Variants in NEXMIF observed in about 807,000 individuals in gnomAD.
The protein encoded by NEXMIF is XLMR protein related to neurite extension.
Under a neutral mutation model 62.1 loss-of-function variants are expected in NEXMIF, and 8 were observed. The ratio of observed to expected loss-of-function variants is 0.13; its 90% CI spans 0.08 to 0.23. NEXMIF has a LOEUF of 0.23. NEXMIF is among the 10% of genes least tolerant of loss of function. The pLI, the probability that NEXMIF is intolerant of heterozygous loss-of-function variation, is 1.00. For missense variants in NEXMIF, 976 were observed against 1,113.3 expected (o/e 0.88, Z 1.75); for synonymous variants, 404 against 416.6 (o/e 0.97, Z 0.37).
intron 1 of NEXMIF, among the ~76,000 whole-genome samples, chrX:74,793,475 A>T (rs902561594): frequency 9.1e-6 from 1 of 110,085 alleles, no homozygotes; most frequent in Non-Finnish European, 1.9e-5. Context: ...CTTCTCGAGG[A>T]GTATCTCTGG....
At chrX:74,796,301 T>C (rs1203371721) in intron 1 of NEXMIF, among the ~76,000 whole-genome samples, 17 of 15,877 alleles carry the variant, frequency 1.1e-3, no homozygotes, top group African/African-American at 1.8e-3. Flanking sequence ...ATTATATATA[T>C]ATACACACAC....
intron 1 of NEXMIF, among the ~76,000 whole-genome samples, chrX:74,841,281 C>T (rs890147973): frequency 4.5e-5 from 5 of 111,319 alleles, no homozygotes; most frequent in Non-Finnish European, 7.5e-5. Context: ...CTCGGTCTGG[C>T]TGTTGTTGGT....
chrX:74,834,396 G>C (rs1297961693), intron 1 of NEXMIF, among the ~76,000 whole-genome samples: 5 of 111,107 alleles, frequency 4.5e-5, no homozygotes, highest in Non-Finnish European at 9.4e-5. Context: ...ATTATTACCA[G>C]TGAGTTTTGT....
intron 1 of NEXMIF, among the ~76,000 whole-genome samples, chrX:74,819,247 G>A (rs951032751): frequency 3.6e-5 from 4 of 111,636 alleles, no homozygotes; most frequent in Admixed American, 9.6e-5. Flanking sequence ...GAAAACCTAG[G>A]CAATACCATT....
intron 1 of NEXMIF, among the ~76,000 whole-genome samples, chrX:74,843,811 G>C (rs889336779): frequency 1.8e-5 from 2 of 112,148 alleles, no homozygotes; most frequent in African/African-American, 6.5e-5. Context: ...GTGTGGATTT[G>C]ATCCTGTCAT....
intron 1 of NEXMIF, among the ~76,000 whole-genome samples, chrX:74,890,003 T>A (rs192411836): frequency 1.0e-5 from 1 of 100,332 alleles, no homozygotes; most frequent in African/African-American, 3.6e-5. Flanking sequence ...TCTCTTTCTC[T>A]CTCTCCCTCT....
intron 1 of NEXMIF, among the ~76,000 whole-genome samples, chrX:74,916,354 G>A (rs1464829432): frequency 8.9e-6 from 1 of 111,920 alleles, no homozygotes; most frequent in Non-Finnish European, 1.9e-5. Context: ...AACTCCCTGA[G>A]GTTTGATTTG....
intron 1 of NEXMIF, among the ~76,000 whole-genome samples, chrX:74,787,261 C>T (rs910637143): frequency 1.2e-4 from 12 of 100,280 alleles, no homozygotes; most frequent in Non-Finnish European, 1.6e-4. Context: ...CCAGTCTGGG[C>T]GACAGAGCGA....
At chrX:74,827,703 C>T (rs1265378694) in intron 1 of NEXMIF, among the ~76,000 whole-genome samples, 1 of 111,682 alleles carries the variant, frequency 9.0e-6, no homozygotes, top group Non-Finnish European at 1.9e-5. Flanking sequence ...TTAAACAATT[C>T]CACCATGGTC....
At chrX:74,771,841 A>T (rs917577171) in intron 1 of NEXMIF, among the ~76,000 whole-genome samples, 1 of 110,988 alleles carries the variant, frequency 9.0e-6, no homozygotes, top group South Asian at 3.8e-4. Flanking sequence ...GTGTGTGTGT[A>T]TGTGTAAAGA....
At chrX:74,824,093 G>T (rs2080406630) in intron 1 of NEXMIF, among the ~76,000 whole-genome samples, 1 of 111,220 alleles carries the variant, frequency 9.0e-6, no homozygotes, top group Non-Finnish European at 1.9e-5. Flanking sequence ...TATGAAAAAA[G>T]TGTTCTGTTC....
Position 74,798,466 on chromosome X carries a change from T to G in NEXMIF, c.-47-52769A>C, listed in dbSNP as rs148646041. ...TTTCCCGTAAAGTTCATAGCTTTGATGCCAAAGGGGCTTTTTGCAGAGATT... is the reference window on the plus strand; with the variant it reads ...TTTCCCGTAAAGTTCATAGCTTTGAGGCCAAAGGGGCTTTTTGCAGAGATT... On this transcript the variant is annotated intron_variant, in intron 1 of 3. Coordinates refer to ENST00000055682, the MANE Select transcript of NEXMIF (RefSeq NM_001008537.3). Among the ~76,000 whole-genome samples the G allele has an allele frequency of 3.5e-3, 394 of 112,422 alleles. 5 individuals are homozygous for G. Among genetic ancestry groups the G allele is most frequent in the African/African-American group, 0.012 (372 of 31,000 alleles).
At chrX:74,832,368 C>T (rs1294390414) in intron 1 of NEXMIF, among the ~76,000 whole-genome samples, 2 of 111,644 alleles carry the variant, frequency 1.8e-5, no homozygotes, top group East Asian at 5.6e-4. Flanking sequence ...ATTTCTTCTA[C>T]ATTTTTCAGT....
intron 1 of NEXMIF, among the ~76,000 whole-genome samples, chrX:74,847,022 G>C (rs2080494075): frequency 8.9e-6 from 1 of 112,187 alleles, no homozygotes; most frequent in South Asian, 3.7e-4. Flanking sequence ...ATTAAGATCT[G>C]TGCAGGACCC....
At chrX:74,922,339 T>TGG (rs1556050117) in intron 1 of NEXMIF, among the ~76,000 whole-genome samples, 1 of 2,849 alleles carries the variant, frequency 3.5e-4, no homozygotes, top group Non-Finnish European at 9.5e-4. Context: ...GTGTTATGGG[T>TGG]GTGTGTGTGT....
chrX:74,740,475 C>T lies in NEXMIF; in HGVS notation c.4082G>A (p.Ser1361Asn), dbSNP rs1435858952. ...TATTTTGAGGGTTTTTAATTTTAGA[C>T]TATTGGACTCAGGGGAGTAGAATAT... Reference protein sequence around the residue: ...PNIFYSPESNSLKLKTLKILA... With the variant: ...PNIFYSPESNNLKLKTLKILA... The change falls in exon 3 of 4, where the codon AGT (serine) becomes AAT (asparagine). Residue 1361 changes from serine (S) to asparagine (N), a missense_variant. This residue lies in a region of NEXMIF where 137 missense variants were observed against 128.9 expected (regional missense o/e 1.06). Coordinates refer to ENST00000055682, the MANE Select transcript of NEXMIF (RefSeq NM_001008537.3). 1 of 1,211,293 alleles carries T rather than the reference C, an allele frequency of 8.3e-7. No homozygotes were observed. The highest frequency in any genetic ancestry group is 1.7e-5 in the African/African-American group (1 of 57,661).
At chrX:74,860,298 C>T (rs1361110879) in intron 1 of NEXMIF, among the ~76,000 whole-genome samples, 2 of 111,827 alleles carry the variant, frequency 1.8e-5, no homozygotes, top group Non-Finnish European at 3.8e-5. Context: ...GACTCCAATA[C>T]AATAAAATCT....
At chrX:74,798,041 T>G (rs2080317746) in intron 1 of NEXMIF, among the ~76,000 whole-genome samples, 1 of 112,164 alleles carries the variant, frequency 8.9e-6, no homozygotes, top group Non-Finnish European at 1.9e-5. Context: ...AAATGTTACT[T>G]CTTGTCAAGC....
chrX:74,775,712 A>G (rs910722575), intron 1 of NEXMIF, among the ~76,000 whole-genome samples: 1 of 111,492 alleles, frequency 9.0e-6, no homozygotes, highest in Non-Finnish European at 1.9e-5. Flanking sequence ...CTAGGGTTCA[A>G]TCCTGTTGCC....
Sources: allele counts gnomAD v4.1 joint callset (sites outside exome capture counted in the v4.1 genomes callset), GRCh38; gene constraint gnomAD v4.1.1; regional missense constraint gnomAD v4.1.1; transcripts MANE v1.5; gene names NCBI Gene and HGNC (gene_info 2026-07-23, HGNC 2026-07-21).